The following MED12L variants were observed in gnomAD, a reference collection of about 807,000 sequenced individuals.
The protein encoded by MED12L is mediator complex subunit 12L, also known as mediator of RNA polymerase II transcription subunit 12-like protein.
Under a neutral mutation model 281.3 loss-of-function variants are expected in MED12L, and 60 were observed. The ratio of observed to expected loss-of-function variants is 0.21; its 90% CI spans 0.17 to 0.26. The LOEUF (loss-of-function observed/expected upper bound fraction) is 0.26. MED12L is among the 10% of genes least tolerant of loss of function. The probability of loss-of-function intolerance (pLI) is 1.00; values close to 1 mark genes in which losing one functional copy is unlikely to be tolerated. For synonymous variants in MED12L, 974 were observed against 987.2 expected (o/e 0.99, Z 0.25); for missense variants, 2,146 against 2,680.9 (o/e 0.80, Z 4.41).
At chr3:151,294,984 G>T in intron 16 of MED12L, 1 of 1,613,644 alleles carries the variant, frequency 6.2e-7, no homozygotes, top group Non-Finnish European at 8.5e-7. Context: ...GTCATTATGA[G>T]GTCTGCAACC....
intron 16 of MED12L, among the ~76,000 whole-genome samples, chr3:151,207,026 C>T (rs1726471873): frequency 6.6e-6 from 1 of 151,294 alleles, no homozygotes; most frequent in South Asian, 2.1e-4. Context: ...TGGAGAACAT[C>T]TCCCTTTTCC....
chr3:151,140,936 C>T (rs1418144094), intron 5 of MED12L, among the ~76,000 whole-genome samples: 5 of 151,910 alleles, frequency 3.3e-5, no homozygotes, highest in Non-Finnish European at 5.9e-5. Flanking sequence ...GGCACGATCT[C>T]GGCTCACTGC....
At position 151,411,286 on chromosome 3, in the gene MED12L, A is replaced by G; in HGVS notation, c.5919A>G (p.Pro1973=). 1 of 1,614,088 alleles carries G rather than the reference A, an allele frequency of 6.2e-7. No individual in the cohort carries two copies. Among genetic ancestry groups the G allele is most frequent in the Non-Finnish European group, 8.5e-7 (1 of 1,179,900 alleles). ...YPGLQQAQTM[P]QGYTMYGTQM... The stretch of plus-strand genomic sequence containing the variant: ...CTTGTGCCTACCTGCAGACCATGCC[A>G]CAGGGCTATACAATGTATGGGACAC... Residue 1973 remains proline, a synonymous_variant, in exon 41 of 45, where the codon CCA becomes CCG. Coordinates refer to ENST00000687756, the MANE Select transcript of MED12L (RefSeq NM_001393769.1).
chr3:151,182,633 C>G (rs1249872504), intron 11 of MED12L, among the ~76,000 whole-genome samples: 1 of 152,120 alleles, frequency 6.6e-6, no homozygotes, highest in Non-Finnish European at 1.5e-5. Context: ...CTTAGCATGT[C>G]TGAGGGGCTC....
chr3:151,152,625 G>A (rs1039230340), intron 5 of MED12L, among the ~76,000 whole-genome samples: 15 of 152,082 alleles, frequency 9.9e-5, no homozygotes, highest in African/African-American at 3.6e-4. Context: ...ATTGATTTCC[G>A]TGTTGCATGC....
intron 2 of MED12L, among the ~76,000 whole-genome samples, 176 bp from the exon 3 acceptor site, chr3:151,116,162 T>A (rs1322124065): frequency 6.6e-6 from 1 of 152,058 alleles, no homozygotes; most frequent in African/African-American, 2.4e-5. Flanking sequence ...CTCTACACAT[T>A]TATGTGTTTA....
At position 151,376,244 on chromosome 3, in the gene MED12L, A is replaced by G. The variant is rs749322965; in HGVS notation, c.4053+30A>G. The G allele has an allele frequency of 3.7e-6, 5 of 1,348,952 alleles. 1 individual carries two copies. Among genetic ancestry groups the G allele is most frequent in the Admixed American group, 5.6e-5 (2 of 35,662 alleles). The allele number at this position is 1,348,952 out of a possible 1,614,324, so 83.6% of individuals were successfully genotyped here. ...GTCGTATACAGATTGTGTTTCTGTC[A>G]TTTGATAAATTCTTCGTAATAATAA... On this transcript the variant is annotated intron_variant, in intron 28 of 44. Transcript: ENST00000687756.
At chr3:151,368,673 TC>T (rs1162106222) in intron 25 of MED12L, among the ~76,000 whole-genome samples, 1 of 76,746 alleles carries the variant, frequency 1.3e-5, no homozygotes, top group Non-Finnish European at 2.6e-5. Context: ...TCATTTCATT[TC>T]ATGTCATTTC....
chr3:151,331,052 A>G (rs1392311061), intron 16 of MED12L, among the ~76,000 whole-genome samples: 2 of 152,226 alleles, frequency 1.3e-5, no homozygotes, highest in Non-Finnish European at 2.9e-5. Flanking sequence ...AAAACTGGAA[A>G]TCACTTCTTG....
chr3:151,221,467 AG>A (rs1429629256), intron 16 of MED12L, among the ~76,000 whole-genome samples: 1 of 152,198 alleles, frequency 6.6e-6, no homozygotes, highest in African/African-American at 2.4e-5. Context: ...GAGGCCTAGA[AG>A]GAAAAAGTGG....
chr3:151,195,680 T>A (rs1169452952), intron 16 of MED12L, among the ~76,000 whole-genome samples: 5 of 152,230 alleles, frequency 3.3e-5, no homozygotes, highest in Non-Finnish European at 7.3e-5. Flanking sequence ...GGGATTTGTT[T>A]TTAAAATATT....
In MED12L at chr3:151,190,939, C is replaced by A; in HGVS notation, c.1968+8C>A. On this transcript the variant is annotated splice_region_variant and intron_variant, in intron 14 of 44. Coordinates refer to ENST00000687756, the MANE Select transcript of MED12L (RefSeq NM_001393769.1). ...CATGATGTGAAAATGGAGGTATGGC[C>A]CTGGATATGATGCCCCACTCCCCCA... 6.2e-7 allele frequency: 1 copy of A among 1,612,590 alleles called. No individual in the cohort carries two copies. Among genetic ancestry groups the A allele is most frequent in the South Asian group, 1.1e-5 (1 of 91,014 alleles).
chr3:151,311,897 C>G (rs948570470), intron 16 of MED12L, among the ~76,000 whole-genome samples: 1 of 152,018 alleles, frequency 6.6e-6, no homozygotes, highest in Non-Finnish European at 1.5e-5. Flanking sequence ...TGGTGGCAGG[C>G]ACTTGTATTT....
At chr3:151,316,871 T>A (rs1748321325) in intron 16 of MED12L, 1 of 152,056 alleles carries the variant, frequency 6.6e-6, no homozygotes, top group Non-Finnish European at 1.5e-5. Context: ...TAAGAGTAGG[T>A]GAGATTTGTC....
At chr3:151,206,036 C>T (rs1039683001) in intron 16 of MED12L, among the ~76,000 whole-genome samples, 3 of 151,390 alleles carry the variant, frequency 2.0e-5, no homozygotes, top group African/African-American at 7.3e-5. Context: ...TCTCTATAGC[C>T]GTTGTGCTTC....
intron 11 of MED12L, among the ~76,000 whole-genome samples, chr3:151,181,694 T>A (rs1299068147): frequency 6.8e-6 from 1 of 148,004 alleles, no homozygotes; most frequent in Non-Finnish European, 1.5e-5. Context: ...CAAATGATTC[T>A]CCTGCCTCAG....
intron 28 of MED12L, 127 bp downstream of exon 28, chr3:151,376,341 T>A: frequency 1.3e-6 from 1 of 750,010 alleles, no homozygotes; most frequent in Non-Finnish European, 2.0e-6. Context: ...TTCCCACACA[T>A]TTTCTGTGGA....
chr3:151,212,754 G>A (rs1727387529), intron 16 of MED12L: 1 of 151,854 alleles, frequency 6.6e-6, no homozygotes. Context: ...TCAATAAGGG[G>A]TTTCTTAAGT....
At chr3:151,360,315 T>C (rs1342282752) in intron 20 of MED12L, among the ~76,000 whole-genome samples, 159 bp from the exon 21 acceptor site, 1 of 152,202 alleles carries the variant, frequency 6.6e-6, no homozygotes, top group African/African-American at 2.4e-5. Flanking sequence ...ATAGAAAAAT[T>C]ATATTGTACT....
Sources: allele counts gnomAD v4.1 joint callset (sites outside exome capture counted in the v4.1 genomes callset), GRCh38; gene constraint gnomAD v4.1.1; transcripts MANE v1.5; gene names NCBI Gene and HGNC (gene_info 2026-07-23, HGNC 2026-07-21).